PUDP: variants seen among roughly 807,000 people sequenced by gnomAD.
PUDP encodes pseudouridine-5'-phosphatase.
Under a neutral mutation model 9.4 loss-of-function variants are expected in PUDP, and 8 were observed. The observed-to-expected ratio is 0.85, with a 90% CI of 0.50 to 1.53. PUDP has a LOEUF of 1.53. PUDP is among the 40% of genes most tolerant of loss of function. The pLI is 0.00. For synonymous variants in PUDP, 99 were observed against 80.7 expected (o/e 1.23, Z -1.22); for missense variants, 188 against 189.7 (o/e 0.99, Z 0.05).
intron 3 of PUDP, among the ~76,000 whole-genome samples, chrX:6,786,109 AGGTCACTT>A (rs745347870): frequency 3.5e-4 from 39 of 111,822 alleles, no homozygotes; most frequent in African/African-American, 1.2e-3. Flanking sequence ...TTGACTCTAT[AGGTCACTT>A]GTGGACTCAT....
At chrX:6,802,977 T>TATAAAATAAAATAAA (rs1387386885) in intron 3 of PUDP, among the ~76,000 whole-genome samples, 23 of 8,772 alleles carry the variant, frequency 2.6e-3, no homozygotes, top group African/African-American at 0.016. Flanking sequence ...AAAATAAAAA[T>TATAAAATAAAATAAA]ATAAAATAAA....
In PUDP at chrX:7,122,215, A is replaced by ATG. The variant is rs62871862; in HGVS notation, c.62-16379_62-16378dup. 6.2e-3 allele frequency among the ~76,000 whole-genome samples: 621 copies of ATG among 99,935 alleles called. 2 individuals are homozygous for ATG. Among genetic ancestry groups the ATG allele is most frequent in the East Asian group, 0.022 (69 of 3,121 alleles). 86.8% of individuals were successfully genotyped at this position (99,935 alleles called of 115,157 possible). A position where few individuals can be genotyped will look rare whatever the true frequency, so the allele number is the denominator to read the frequency against. Reference sequence around the variant, plus strand: ...CTGTCTCAAAAAAAAAAACCCATATATGTGTGTGTGTGTGTGTGTGTGTGT... The same window carrying ATG: ...CTGTCTCAAAAAAAAAAACCCATATATGTGTGTGTGTGTGTGTGTGTGTGTGT... On this transcript the variant is annotated intron_variant, in intron 1 of 3. Coordinates refer to ENST00000381077, the MANE Select transcript of PUDP (RefSeq NM_012080.5).
At chrX:7,099,423 A>G (rs138287772) in intron 2 of PUDP, among the ~76,000 whole-genome samples, 115 of 112,772 alleles carry the variant, frequency 1.0e-3, no homozygotes, top group African/African-American at 3.4e-3. Flanking sequence ...CCACAATTTA[A>G]AAGTTTATTT....
At chrX:6,718,870 C>T (rs1261004097) in intron 1 of PUDP, among the ~76,000 whole-genome samples, 6 of 111,663 alleles carry the variant, frequency 5.4e-5, no homozygotes, top group Non-Finnish European at 1.1e-4. Flanking sequence ...AAGAACAAAC[C>T]GTAGGTGGTT....
chrX:6,747,782 A>C (rs768104084), intron 3 of PUDP, among the ~76,000 whole-genome samples: 1 of 109,988 alleles, frequency 9.1e-6, no homozygotes, highest in Non-Finnish European at 1.9e-5. Flanking sequence ...TTTATCCCCT[A>C]GGGGTTTTTT....
At chrX:7,057,228 TTGTC>T (rs1217387071) in intron 3 of PUDP, among the ~76,000 whole-genome samples, 3 of 112,132 alleles carry the variant, frequency 2.7e-5, no homozygotes, top group African/African-American at 9.7e-5. Context: ...AAGAGTATCT[TTGTC>T]TGACAGCAGC....
At chrX:7,111,997 A>AC (rs1416972286) in intron 1 of PUDP, among the ~76,000 whole-genome samples, 2 of 111,333 alleles carry the variant, frequency 1.8e-5, no homozygotes, top group African/African-American at 6.5e-5. Flanking sequence ...TGCTTAAAAA[A>AC]AAAAAAAAGC....
chrX:6,744,556 A>C (rs1924975524), intron 3 of PUDP, among the ~76,000 whole-genome samples: 1 of 111,687 alleles, frequency 9.0e-6, no homozygotes, highest in South Asian at 3.7e-4. Flanking sequence ...TAGATCAGGC[A>C]CTGTAATGGG....
chrX:7,130,518 A>T (rs1280899626), intron 1 of PUDP, among the ~76,000 whole-genome samples: 1 of 111,391 alleles, frequency 9.0e-6, no homozygotes, highest in African/African-American at 3.3e-5. Flanking sequence ...AATAAGTTTA[A>T]AATGGCTTCC....
Position 6,885,932 on chromosome X carries a change from T to A in PUDP, c.*247+91201A>T, listed in dbSNP as rs181400938. On this transcript the variant is annotated intron_variant and NMD_transcript_variant, in intron 3 of 3. Transcript: ENST00000655425. ...AGTTGCTTTCTAAGAATGTATGGAG[T>A]GGCTTTTTATAATGTATAATTGATC... Among the ~76,000 whole-genome samples the A allele has an allele frequency of 2.7e-5, 3 of 112,201 alleles. No individual in the cohort carries two copies. In the East Asian group the frequency reaches 8.4e-4, roughly 31 times the overall value.
intron 3 of PUDP, among the ~76,000 whole-genome samples, chrX:6,939,845 C>CAA (rs1263025287): frequency 1.8e-5 from 1 of 56,641 alleles, no homozygotes; most frequent in East Asian, 4.9e-4. Flanking sequence ...GACTCTGTCT[C>CAA]AAAAAAAAAA....
intron 3 of PUDP, among the ~76,000 whole-genome samples, chrX:7,074,650 AAAC>A (rs970717846): frequency 6.2e-5 from 7 of 112,501 alleles, no homozygotes; most frequent in African/African-American, 6.5e-5. Flanking sequence ...AACTCAGGTT[AAAC>A]AACAACAACA....
intron 1 of PUDP, among the ~76,000 whole-genome samples, chrX:6,982,934 T>C (rs1165136130): frequency 1.8e-5 from 2 of 111,945 alleles, no homozygotes; most frequent in African/African-American, 3.2e-5. Context: ...ACAACACAAA[T>C]GTCCATTGCC....
intron 1 of PUDP, among the ~76,000 whole-genome samples, chrX:7,039,977 A>G (rs1262194834): frequency 8.9e-6 from 1 of 112,336 alleles, no homozygotes; most frequent in East Asian, 2.8e-4. Context: ...GAGGAGGAAT[A>G]CTAACCATTC....
At chrX:7,074,345 G>A (rs1003665355) in intron 3 of PUDP, among the ~76,000 whole-genome samples, 17 of 112,226 alleles carry the variant, frequency 1.5e-4, no homozygotes, top group African/African-American at 5.5e-4. Context: ...CTATGGCCTG[G>A]ACAACAAAGG....
intron 3 of PUDP, among the ~76,000 whole-genome samples, chrX:6,859,407 A>C (rs1379724912): frequency 2.7e-5 from 3 of 111,485 alleles, no homozygotes; most frequent in Non-Finnish European, 5.7e-5. Context: ...AGTCAAGCTA[A>C]CTTTAGGGGA....
intron 3 of PUDP, among the ~76,000 whole-genome samples, chrX:7,052,351 T>G (rs769042040): frequency 1.8e-5 from 2 of 111,437 alleles, no homozygotes; most frequent in Non-Finnish European, 3.8e-5. Flanking sequence ...TTGCCTTTCA[T>G]TATGAAAATG....
intron 1 of PUDP, among the ~76,000 whole-genome samples, chrX:6,716,341 A>T (rs1972999): frequency 0.49 from 53,911 of 110,384 alleles, 10,283 homozygotes; most frequent in African/African-American, 0.69. Flanking sequence ...TAAAAAGTGA[A>T]ATGAACTGCT....
At chrX:6,727,562 G>A (rs934797156) in intron 3 of PUDP, among the ~76,000 whole-genome samples, 1 of 111,928 alleles carries the variant, frequency 8.9e-6, no homozygotes, top group Admixed American at 9.5e-5. Context: ...CTGTCTTGTT[G>A]GATCCAGGTG....
Sources: allele counts gnomAD v4.1 joint callset (sites outside exome capture counted in the v4.1 genomes callset), GRCh38; gene constraint gnomAD v4.1.1; transcripts MANE v1.5; gene names NCBI Gene and HGNC (gene_info 2026-07-23, HGNC 2026-07-21).